The following SPAG16 variants were observed in gnomAD, a reference collection of about 807,000 sequenced individuals.
The protein encoded by SPAG16 is sperm-associated antigen 16 protein.
SPAG16 carries 86 observed loss-of-function variants against 80.4 expected under a neutral mutation model. That is an observed-to-expected ratio of 1.07 (90% CI 0.90 to 1.28). The LOEUF (loss-of-function observed/expected upper bound fraction) is 1.28, where lower values mean the gene tolerates loss of function less well. Among genes scored for constraint, SPAG16 ranks in the 50% most tolerant of loss-of-function variants. The pLI, the probability that SPAG16 is intolerant of heterozygous loss-of-function variation, is 0.00. For synonymous variants in SPAG16, 294 were observed against 265.9 expected (o/e 1.11, Z -1.03); for missense variants, 870 against 765.3 (o/e 1.14, Z -1.61).
At chr2:213,713,081 A>G (rs1391167893) in intron 10 of SPAG16, among the ~76,000 whole-genome samples, 1 of 152,082 alleles carries the variant, frequency 6.6e-6, no homozygotes, top group Non-Finnish European at 1.5e-5. Context: ...CCCTCATAAA[A>G]CCATCAGGTC....
At chr2:213,823,828 G>T (rs1304681105) in intron 10 of SPAG16, among the ~76,000 whole-genome samples, 1 of 152,070 alleles carries the variant, frequency 6.6e-6, no homozygotes, top group Non-Finnish European at 1.5e-5. Flanking sequence ...TTGTCAGATA[G>T]GTAGATTGCA....
intron 12 of SPAG16, among the ~76,000 whole-genome samples, chr2:213,952,801 G>A (rs2043918120): frequency 6.6e-6 from 1 of 152,084 alleles, no homozygotes; most frequent in Non-Finnish European, 1.5e-5. Flanking sequence ...ACCAATAGCT[G>A]AAATATGGGT....
chr2:214,152,801 C>T (rs964959871), intron 15 of SPAG16, among the ~76,000 whole-genome samples: 1 of 152,110 alleles, frequency 6.6e-6, no homozygotes. Context: ...GACAGGGGGC[C>T]CTTCCCTGCC....
intron 1 of SPAG16, among the ~76,000 whole-genome samples, chr2:213,287,126 TG>T: frequency 6.6e-6 from 1 of 152,374 alleles, no homozygotes; most frequent in East Asian, 1.9e-4. Flanking sequence ...AATTGAGTTA[TG>T]GAGTATATGA....
chr2:213,685,325 A>G (rs1342737066), intron 10 of SPAG16, among the ~76,000 whole-genome samples: 2 of 152,230 alleles, frequency 1.3e-5, no homozygotes, highest in Non-Finnish European at 2.9e-5. Context: ...AAAGGTGGGC[A>G]TGGACATGCA....
At chr2:213,969,575 C>T (rs2106375508) in intron 12 of SPAG16, among the ~76,000 whole-genome samples, 1 of 152,256 alleles carries the variant, frequency 6.6e-6, no homozygotes, top group South Asian at 2.1e-4. Context: ...TGTGTGAGGA[C>T]ACAGTGTTCA....
intron 8 of SPAG16, 131 bp downstream of exon 8, chr2:213,364,276 A>G (rs1420986316): frequency 2.3e-6 from 1 of 435,988 alleles, no homozygotes; most frequent in East Asian, 4.0e-5. Flanking sequence ...AAATTTTAAT[A>G]AAAAGATTAA....
intron 13 of SPAG16, among the ~76,000 whole-genome samples, chr2:214,074,604 A>C (rs144716287): frequency 5.1e-4 from 77 of 152,298 alleles, no homozygotes; most frequent in African/African-American, 1.8e-3. Flanking sequence ...CATTAACGCC[A>C]TTATGAACTG....
Position 213,949,169 on chromosome 2 carries a change from G to GTTTTTT in SPAG16, c.1400+19043_1400+19048dup, listed in dbSNP as rs767648099. Among the ~76,000 whole-genome samples, 94 of 56,676 alleles carry GTTTTTT rather than the reference G, an allele frequency of 1.7e-3. 1 individual carries two copies. Among genetic ancestry groups the GTTTTTT allele is most frequent in the South Asian group, 3.0e-3 (3 of 996 alleles). The allele number at this position is 56,676 out of a possible 152,430, so 37.2% of individuals were successfully genotyped here. ...GCAGAGACACTACTTAATTACAACA[G>GTTTTTT]TTTTTTTTTTTTTTTTTTTTTTTTG... On this transcript the variant is annotated intron_variant, in intron 12 of 15. Coordinates refer to ENST00000331683, the MANE Select transcript of SPAG16 (RefSeq NM_024532.5).
intron 13 of SPAG16, among the ~76,000 whole-genome samples, chr2:214,101,791 C>T (rs1168900028): frequency 6.6e-6 from 1 of 152,156 alleles, no homozygotes; most frequent in East Asian, 1.9e-4. Context: ...TACCTATCTC[C>T]TAGCATTGCT....
chr2:213,488,646 A>G (rs1301575221), intron 9 of SPAG16, among the ~76,000 whole-genome samples: 2 of 152,180 alleles, frequency 1.3e-5, no homozygotes, highest in African/African-American at 2.4e-5. Flanking sequence ...GAAAGATGGA[A>G]AAAAATTAAG....
chr2:214,097,644 C>A (rs1245916666), intron 13 of SPAG16, among the ~76,000 whole-genome samples: 1 of 151,822 alleles, frequency 6.6e-6, no homozygotes, highest in Non-Finnish European at 1.5e-5. Flanking sequence ...GTGAAGGGTG[C>A]ATTTACCAAA....
chr2:214,300,001 G>A (rs982350417), intron 15 of SPAG16, among the ~76,000 whole-genome samples: 5 of 152,130 alleles, frequency 3.3e-5, no homozygotes, highest in Admixed American at 1.3e-4. Context: ...ATTTTTTAAA[G>A]TAGTCTGATC....
intron 15 of SPAG16, among the ~76,000 whole-genome samples, chr2:214,154,648 T>A (rs1288293047): frequency 6.6e-6 from 1 of 152,124 alleles, no homozygotes; most frequent in Non-Finnish European, 1.5e-5. Flanking sequence ...ATAGAAGCAG[T>A]ATAGTGTAAG....
chr2:213,454,730 A>T (rs1199521993), intron 9 of SPAG16, among the ~76,000 whole-genome samples: 5 of 152,176 alleles, frequency 3.3e-5, no homozygotes. Context: ...GCCCACATGT[A>T]GGGCAGTTTT....
intron 5 of SPAG16, among the ~76,000 whole-genome samples, chr2:213,323,512 A>G (rs913627387): frequency 5.9e-5 from 9 of 152,352 alleles, no homozygotes; most frequent in South Asian, 2.1e-4. Flanking sequence ...ACCCTTGCAC[A>G]TTACTGGTGG....
At chr2:214,250,504 G>A (rs1690171046) in intron 15 of SPAG16, among the ~76,000 whole-genome samples, 1 of 150,500 alleles carries the variant, frequency 6.6e-6, no homozygotes, top group Non-Finnish European at 1.5e-5. Flanking sequence ...CAATATTTTA[G>A]TATGTACAGA....
At chr2:213,980,562 T>C (rs902393577) in intron 12 of SPAG16, among the ~76,000 whole-genome samples, 38 of 142,030 alleles carry the variant, frequency 2.7e-4, no homozygotes, top group Non-Finnish European at 5.5e-4. Flanking sequence ...AATATATGTG[T>C]ATATATAGAG....
At chr2:214,052,512 C>T (rs2049704972) in intron 13 of SPAG16, among the ~76,000 whole-genome samples, 1 of 152,210 alleles carries the variant, frequency 6.6e-6, no homozygotes, top group Non-Finnish European at 1.5e-5. Flanking sequence ...ACAGACTCCA[C>T]TGTTGATTGC....
Sources: allele counts gnomAD v4.1 joint callset (sites outside exome capture counted in the v4.1 genomes callset), GRCh38; gene constraint gnomAD v4.1.1; transcripts MANE v1.5; gene names NCBI Gene and HGNC (gene_info 2026-07-23, HGNC 2026-07-21).